Variants in SMYD3 observed in about 807,000 individuals in gnomAD.
SMYD3 encodes SET and MYND domain containing 3.
Under a neutral mutation model 57.7 loss-of-function variants are expected in SMYD3, and 36 were observed. That is an observed-to-expected ratio of 0.62 (90% CI 0.48 to 0.82). The LOEUF is 0.82. Among genes scored for constraint, SMYD3 ranks in the 40% least tolerant of loss-of-function variants. The pLI is 0.00. For synonymous variants in SMYD3, 211 were observed against 195.0 expected (o/e 1.08, Z -0.68); for missense variants, 515 against 538.8 (o/e 0.96, Z 0.44).
chr1:246,075,843 T>C (rs1296018480), intron 5 of SMYD3, among the ~76,000 whole-genome samples: 1 of 151,090 alleles, frequency 6.6e-6, no homozygotes. Flanking sequence ...ATATTTTACA[T>C]GAAATGGGAC....
chr1:245,982,782 C>T (rs769885770), intron 5 of SMYD3, among the ~76,000 whole-genome samples: 15 of 152,178 alleles, frequency 9.9e-5, no homozygotes, highest in Non-Finnish European at 1.8e-4. Flanking sequence ...TCACTGGGTT[C>T]GCTTTGAGGA....
intron 11 of SMYD3, among the ~76,000 whole-genome samples, chr1:245,752,394 C>T (rs569201059): frequency 3.3e-5 from 5 of 152,236 alleles, no homozygotes; most frequent in African/African-American, 1.2e-4. Flanking sequence ...CTCTTTTTTG[C>T]CCTCCTGGTT....
chr1:245,989,567 CAT>C (rs2058773102), intron 5 of SMYD3, among the ~76,000 whole-genome samples: 1 of 152,240 alleles, frequency 6.6e-6, no homozygotes, highest in African/African-American at 2.4e-5. Flanking sequence ...TTCAATGCCA[CAT>C]GAGTGGTTAA....
At chr1:246,101,071 G>T (rs12727468) in intron 5 of SMYD3, among the ~76,000 whole-genome samples, 17,399 of 52,328 alleles carry the variant, frequency 0.33, 2,260 homozygotes, top group Non-Finnish European at 0.45. Flanking sequence ...GGGGTTTTTT[G>T]TTTTTTTTTT....
At chr1:246,287,617 A>G (rs1358470072) in intron 5 of SMYD3, among the ~76,000 whole-genome samples, 1 of 152,192 alleles carries the variant, frequency 6.6e-6, no homozygotes, top group East Asian at 1.9e-4. Context: ...AGTTTTGGGA[A>G]TACTATTCTT....
chr1:246,308,170 T>C (rs1305471030), intron 5 of SMYD3, among the ~76,000 whole-genome samples: 1 of 152,190 alleles, frequency 6.6e-6, no homozygotes, highest in Non-Finnish European at 1.5e-5. Flanking sequence ...TTTCAACGAA[T>C]CTTCAATATA....
chr1:245,950,327 A>C (rs1271125351), intron 5 of SMYD3, among the ~76,000 whole-genome samples: 1 of 152,116 alleles, frequency 6.6e-6, no homozygotes, highest in African/African-American at 2.4e-5. Context: ...TTTGGAGCTG[A>C]GCCTAATCTT....
At chr1:246,451,445 G>A (rs2067631120) in intron 1 of SMYD3, among the ~76,000 whole-genome samples, 1 of 152,186 alleles carries the variant, frequency 6.6e-6, no homozygotes, top group African/African-American at 2.4e-5. Flanking sequence ...CAAAACTATA[G>A]AGACAGTAAA....
In SMYD3 at chr1:246,240,710, T is replaced by C. The variant is rs1572264304; in HGVS notation, c.531+86491A>G. Among the ~76,000 whole-genome samples the C allele has an allele frequency of 9.8e-5, 15 of 152,394 alleles. No individual in the cohort carries two copies. The South Asian group carries it at 3.1e-3, about 32-fold the overall frequency. ...ATGGCCATTTTCATGATATTGATTC[T>C]TCCTATCCATGAGCATGGAATGTTC... On this transcript the variant is annotated intron_variant, in intron 5 of 11. Transcript: ENST00000490107.
intron 1 of SMYD3, among the ~76,000 whole-genome samples, chr1:246,477,617 T>G (rs2068045467): frequency 6.6e-6 from 1 of 152,252 alleles, no homozygotes. Context: ...TAAATTCAAT[T>G]ACATAGTTAC....
intron 1 of SMYD3, among the ~76,000 whole-genome samples, chr1:246,401,719 T>A (rs1176486761): frequency 3.6e-5 from 3 of 82,980 alleles, no homozygotes. Flanking sequence ...ATCCCAGTAA[T>A]TCAGGTGCTT....
chr1:245,930,219 T>C (rs1053587845), intron 5 of SMYD3: 2 of 477,238 alleles, frequency 4.2e-6, no homozygotes, highest in African/African-American at 4.0e-5. Context: ...TCAGTCTCAT[T>C]ATCCACTACC....
At chr1:246,113,997 C>T (rs1485506203) in intron 5 of SMYD3, 2 of 152,206 alleles carry the variant, frequency 1.3e-5, no homozygotes, top group African/African-American at 2.4e-5. Context: ...AGAAGACCAC[C>T]AGGCAGACTG....
intron 5 of SMYD3, among the ~76,000 whole-genome samples, chr1:246,205,689 G>C (rs144919728): frequency 6.6e-6 from 1 of 152,024 alleles, no homozygotes; most frequent in Non-Finnish European, 1.5e-5. Flanking sequence ...GCATGGTGGC[G>C]AGCGCCTGTA....
chr1:246,410,036 G>C (rs2066937558), intron 1 of SMYD3, among the ~76,000 whole-genome samples: 1 of 152,162 alleles, frequency 6.6e-6, no homozygotes, highest in African/African-American at 2.4e-5. Flanking sequence ...TCCTGAGACT[G>C]CTGAAGTTGC....
chr1:246,037,744 A>C (rs1302845039), intron 5 of SMYD3, among the ~76,000 whole-genome samples: 8 of 152,212 alleles, frequency 5.3e-5, no homozygotes, highest in South Asian at 2.1e-4. Flanking sequence ...TGGGGAGAAG[A>C]AGCATTTGTG....
At chr1:246,230,381 A>T (rs1299711760) in intron 5 of SMYD3, among the ~76,000 whole-genome samples, 2 of 152,272 alleles carry the variant, frequency 1.3e-5, no homozygotes, top group Non-Finnish European at 2.9e-5. Flanking sequence ...TCAAGAAAAT[A>T]AGCGAAAATA....
At chr1:246,403,509 A>G (rs2066808725) in intron 1 of SMYD3, among the ~76,000 whole-genome samples, 1 of 152,196 alleles carries the variant, frequency 6.6e-6, no homozygotes, top group East Asian at 1.9e-4. Flanking sequence ...TGTTTTAAAC[A>G]TATATCCTAT....
At chr1:246,146,076 G>A (rs966881096) in intron 5 of SMYD3, among the ~76,000 whole-genome samples, 2 of 152,120 alleles carry the variant, frequency 1.3e-5, no homozygotes, top group East Asian at 1.9e-4. Flanking sequence ...GGATATAATC[G>A]CAAGAAGGTA....
Sources: gnomAD v4.1 joint callset for allele counts (sites outside exome capture counted in the v4.1 genomes callset) on GRCh38, gnomAD v4.1.1 for gene constraint, MANE v1.5 for transcripts, NCBI Gene and HGNC (gene_info 2026-07-23, HGNC 2026-07-21) for gene names.